The following FBXL17 variants were observed in gnomAD, a reference collection of about 807,000 sequenced individuals.
FBXL17 encodes the protein F-box/LRR-repeat protein 17.
In FBXL17, 22 loss-of-function variants were observed where a neutral mutation model predicts 66.2. The observed-to-expected ratio is 0.33, with a 90% CI of 0.24 to 0.47. The LOEUF is 0.47. Among genes scored for constraint, FBXL17 ranks in the 20% least tolerant of loss-of-function variants. The pLI is 1.00. For missense variants in FBXL17, 878 were observed against 948.2 expected, an observed-to-expected ratio of 0.93 and a Z score of 0.97; for synonymous variants, 474 against 400.5, an observed-to-expected ratio of 1.18 and a Z score of -2.19.
rs952585014 is a variant in FBXL17 at position 108,081,102 on chromosome 5, C to G, written c.1746-60101G>C. Among the ~76,000 whole-genome samples the G allele has an allele frequency of 4.6e-5, 7 of 152,230 alleles. No individual in the cohort carries two copies. The South Asian group carries it at 1.2e-3, about 27-fold the overall frequency. On this transcript the variant is annotated intron_variant, in intron 6 of 8. Transcript: ENST00000542267. ...TATCTGTCATGTCAAACTGACTCTA[C>G]ACTAGAGTCAGTTTGGAATTTGGTA... is the stretch of plus-strand genomic sequence containing the variant.
chr5:108,106,374 T>C (rs1749796482), intron 6 of FBXL17, among the ~76,000 whole-genome samples: 1 of 152,192 alleles, frequency 6.6e-6, no homozygotes, highest in African/African-American at 2.4e-5. Context: ...GAATATTAAA[T>C]GTAAAGTTGC....
chr5:108,067,104 G>A (rs1377209236), intron 6 of FBXL17, among the ~76,000 whole-genome samples: 1 of 152,054 alleles, frequency 6.6e-6, no homozygotes, highest in Non-Finnish European at 1.5e-5. Flanking sequence ...ACTCTAGAAT[G>A]TAGTTTGCTT....
intron 8 of FBXL17, among the ~76,000 whole-genome samples, chr5:107,866,507 C>T (rs993839697): frequency 1.3e-5 from 2 of 152,122 alleles, no homozygotes; most frequent in Non-Finnish European, 2.9e-5. Context: ...ATATGGCTGC[C>T]GCTCTTAACG....
At chr5:107,876,731 G>GT (rs1228676170) in intron 8 of FBXL17, among the ~76,000 whole-genome samples, 1 of 151,836 alleles carries the variant, frequency 6.6e-6, no homozygotes, top group Admixed American at 6.6e-5. Context: ...GTCCTTTTTA[G>GT]TTTTGTTCTC....
intron 4 of FBXL17, among the ~76,000 whole-genome samples, chr5:108,280,004 T>C (rs1180774297): frequency 2.6e-5 from 4 of 152,026 alleles, no homozygotes; most frequent in Non-Finnish European, 5.9e-5. Context: ...TATGAATTAT[T>C]GGAATACCTA....
chr5:108,299,080 C>T (rs990158932), intron 4 of FBXL17: 2 of 975,088 alleles, frequency 2.1e-6, no homozygotes, highest in Admixed American at 6.2e-5. Context: ...CAAATGTTTA[C>T]TGCTATTTTA....
At chr5:107,987,858 T>C (rs1259424054) in intron 7 of FBXL17, among the ~76,000 whole-genome samples, 2 of 152,024 alleles carry the variant, frequency 1.3e-5, no homozygotes, top group East Asian at 1.9e-4. Flanking sequence ...AATAATAAAA[T>C]ATAATTCTTT....
chr5:107,874,871 A>T (rs564226033), intron 8 of FBXL17, among the ~76,000 whole-genome samples: 7 of 152,212 alleles, frequency 4.6e-5, no homozygotes, highest in Non-Finnish European at 1.0e-4. Flanking sequence ...CACCTGGAGA[A>T]ACTGTTTCAT....
chr5:107,908,726 C>T (rs911603888), intron 7 of FBXL17, among the ~76,000 whole-genome samples: 2 of 152,030 alleles, frequency 1.3e-5, no homozygotes, highest in African/African-American at 4.8e-5. Flanking sequence ...TGGGAATGCT[C>T]GTGGTAGAAT....
intron 5 of FBXL17, among the ~76,000 whole-genome samples, chr5:108,208,534 T>A (rs1447527373): frequency 6.6e-6 from 1 of 151,962 alleles, no homozygotes; most frequent in Non-Finnish European, 1.5e-5. Flanking sequence ...GCATATGTTG[T>A]GCAGTTCTCA....
intron 4 of FBXL17, among the ~76,000 whole-genome samples, chr5:108,260,814 G>A (rs1756784925): frequency 6.6e-6 from 1 of 151,974 alleles, no homozygotes; most frequent in African/African-American, 2.4e-5. Context: ...CCAACTCCCA[G>A]GACTTTTGCA....
At chr5:107,888,176 A>C (rs879545467) in intron 7 of FBXL17, among the ~76,000 whole-genome samples, 5 of 151,728 alleles carry the variant, frequency 3.3e-5, no homozygotes, top group Non-Finnish European at 5.9e-5. Context: ...CCTTTTCTTC[A>C]TTGTACTTAT....
At chr5:108,098,591 A>C (rs1749477534) in intron 6 of FBXL17, among the ~76,000 whole-genome samples, 1 of 151,882 alleles carries the variant, frequency 6.6e-6, no homozygotes, top group Non-Finnish European at 1.5e-5. Flanking sequence ...TAAAAATACA[A>C]AAAATTAGCC....
At chr5:107,995,559 G>A (rs897715509) in intron 7 of FBXL17, among the ~76,000 whole-genome samples, 2 of 151,644 alleles carry the variant, frequency 1.3e-5, no homozygotes, top group Non-Finnish European at 2.9e-5. Context: ...ATAAGAGTTT[G>A]TGTGTGTGTG....
At chr5:108,061,878 A>G (rs551338674) in intron 6 of FBXL17, among the ~76,000 whole-genome samples, 1 of 137,768 alleles carries the variant, frequency 7.3e-6, no homozygotes, top group Non-Finnish European at 1.5e-5. Context: ...TTTTGTACTT[A>G]AAAAAAAAAA....
chr5:108,181,344 T>C (rs1416773988), intron 6 of FBXL17, among the ~76,000 whole-genome samples: 3 of 152,190 alleles, frequency 2.0e-5, no homozygotes, highest in Non-Finnish European at 4.4e-5. Flanking sequence ...TGGATGTTAT[T>C]TGTATTCAAA....
At chr5:108,209,705 G>A (rs912645746) in intron 5 of FBXL17, among the ~76,000 whole-genome samples, 5 of 152,066 alleles carry the variant, frequency 3.3e-5, no homozygotes, top group Non-Finnish European at 2.9e-5. Context: ...TGTTGAATTC[G>A]GTTTGCCAGT....
At chr5:108,173,519 G>T (rs1419275843) in intron 6 of FBXL17, among the ~76,000 whole-genome samples, 1 of 152,178 alleles carries the variant, frequency 6.6e-6, no homozygotes, top group Non-Finnish European at 1.5e-5. Context: ...ATTTATTACA[G>T]TAAAGAAATG....
intron 7 of FBXL17, among the ~76,000 whole-genome samples, chr5:107,974,685 A>T (rs547008414): frequency 4.2e-4 from 64 of 151,370 alleles, no homozygotes; most frequent in African/African-American, 1.5e-3. Flanking sequence ...TTTTTTTTTT[A>T]GTTTTAGGTC....
Sources: gnomAD v4.1 joint callset for allele counts (sites outside exome capture counted in the v4.1 genomes callset) on GRCh38, gnomAD v4.1.1 for gene constraint, MANE v1.5 for transcripts, NCBI Gene and HGNC (gene_info 2026-07-23, HGNC 2026-07-21) for gene names.